NUAK1: variants seen among roughly 807,000 people sequenced by gnomAD.
NUAK1 encodes the protein NUAK family SNF1-like kinase 1.
Under a neutral mutation model 56.9 loss-of-function variants are expected in NUAK1, and 26 were observed. The observed-to-expected ratio is 0.46, with a 90% CI of 0.33 to 0.63. The LOEUF is 0.63. Among genes scored for constraint, NUAK1 ranks in the 30% least tolerant of loss-of-function variants. The pLI, the probability that NUAK1 is intolerant of heterozygous loss-of-function variation, is 0.02. For synonymous variants in NUAK1, 337 were observed against 336.0 expected (o/e 1.00, Z -0.03); for missense variants, 727 against 876.1 (o/e 0.83, Z 2.15).
intron 1 of NUAK1, among the ~76,000 whole-genome samples, chr12:106,127,291 A>G (rs553804107): frequency 6.7e-4 from 102 of 152,254 alleles, no homozygotes; most frequent in African/African-American, 2.4e-3. Flanking sequence ...TGGCCCCCCA[A>G]GTAGCCAGGA....
intron 4 of NUAK1, among the ~76,000 whole-genome samples, chr12:106,081,098 C>T (rs1217988151): frequency 1.3e-5 from 2 of 152,250 alleles, no homozygotes; most frequent in African/African-American, 4.8e-5. Flanking sequence ...AAGTCAAACA[C>T]ATGAGTTCTA....
chr12:106,085,298 T>C (rs1483012943), intron 3 of NUAK1, among the ~76,000 whole-genome samples: 1 of 152,200 alleles, frequency 6.6e-6, no homozygotes, highest in Non-Finnish European at 1.5e-5. Flanking sequence ...CATGATGAAA[T>C]ACAAAATATT....
rs376400997 is a variant in NUAK1, at chr12:106,083,987, AGAAAGAG to A, written c.514-65_514-59del. Reference sequence around the variant, plus strand: ...GGAGCGGCTGGGATGAGAACAAGAGAGAAAGAGGAAGGAGGAGGGTGAGCAAAGGGAA... The same window carrying A: ...GGAGCGGCTGGGATGAGAACAAGAGAGAAGGAGGAGGGTGAGCAAAGGGAA... On this transcript the variant is annotated intron_variant, in intron 3 of 6. Coordinates refer to ENST00000261402, the MANE Select transcript of NUAK1 (RefSeq NM_014840.3). 6.9e-4 allele frequency: 969 copies of A among 1,404,696 alleles called. 7 individuals are homozygous for A. The African/African-American group carries it at 0.012, about 18-fold the overall frequency. The allele number at this position is 1,404,696 out of a possible 1,614,324, so 87.0% of individuals were successfully genotyped here.
chr12:106,108,198 A>G (rs776604915), intron 1 of NUAK1, among the ~76,000 whole-genome samples: 1 of 152,220 alleles, frequency 6.6e-6, no homozygotes, highest in African/African-American at 2.4e-5. Context: ...GAACCACCCC[A>G]GTTAAATAAT....
At chr12:106,074,983 C>T (rs1283554847) in intron 4 of NUAK1, among the ~76,000 whole-genome samples, 1 of 152,148 alleles carries the variant, frequency 6.6e-6, no homozygotes, top group East Asian at 1.9e-4. Flanking sequence ...CAGGAAAATG[C>T]ATTCTCTTCC....
chr12:106,135,006 G>A (rs1373229525), intron 1 of NUAK1, among the ~76,000 whole-genome samples: 1 of 152,012 alleles, frequency 6.6e-6, no homozygotes, highest in Non-Finnish European at 1.5e-5. Context: ...CCTAAAATGA[G>A]ATGAGAAAAA....
At chr12:106,083,308 C>T (rs146585302) in intron 4 of NUAK1, among the ~76,000 whole-genome samples, 1,819 of 152,190 alleles carry the variant, frequency 0.012, 18 homozygotes, top group Non-Finnish European at 0.018. Context: ...AATTTAGGAT[C>T]CTGCTAGCAA....
At chr12:106,075,079 C>G (rs1263432040) in intron 4 of NUAK1, among the ~76,000 whole-genome samples, 1 of 152,106 alleles carries the variant, frequency 6.6e-6, no homozygotes, top group Admixed American at 6.5e-5. Context: ...ACACTCACAC[C>G]AGGAGTTTTC....
At position 106,067,870 on chromosome 12, in the gene NUAK1, C is replaced by T; in HGVS notation, c.918G>A (p.Val306=). Residue 306 remains valine, a synonymous_variant, in exon 7 of 7, where the codon GTG becomes GTA. Coordinates refer to ENST00000261402, the MANE Select transcript of NUAK1 (RefSeq NM_014840.3). The surrounding 1 kb of genome is among the most constrained non-coding windows in gnomAD (Gnocchi z 6.0). ...ACACGCTGCTCTTATAGCCCCAGTT[C>T]ACCCACCAGTGGTTGGCAATGTCCT... The part of the protein sequence containing the change: ...TIEDIANHWW[V]NWGYKSSVCD... 1 of 1,614,222 alleles carries T rather than the reference C, an allele frequency of 6.2e-7. No homozygotes were observed.
At position 106,065,020 on chromosome 12, in the gene NUAK1, C is replaced by T. The variant is rs748245504; in HGVS notation, c.*1782G>A. ...AGGAAAGGGCAATTCCATTCTAATG[C>T]ACTTTCTTAGCACTGTAAGGTGAAT... On this transcript the variant is annotated 3_prime_UTR_variant, in exon 7 of 7. Coordinates refer to ENST00000261402, the MANE Select transcript of NUAK1 (RefSeq NM_014840.3). 1.3e-5 allele frequency: 2 copies of T among 152,198 alleles called. No individual in the cohort carries two copies. The highest frequency in any genetic ancestry group is 2.4e-5 in the African/African-American group (1 of 41,448). 9.4% of individuals were successfully genotyped at this position (152,198 alleles called of 1,614,324 possible).
In NUAK1 at chr12:106,066,498, T is replaced by C. The variant is rs1236723826; in HGVS notation, c.*304A>G. ...AAGGAAATGCTCCTTCCACATATGC[T>C]TCCTCTCCACCCACTGAGTGCCGGT... On this transcript the variant is annotated 3_prime_UTR_variant, in exon 7 of 7. Transcript: ENST00000261402. The C allele has an allele frequency of 2.6e-6, 1 of 391,914 alleles. No homozygotes were observed. Among genetic ancestry groups the C allele is most frequent in the African/African-American group, 2.0e-5 (1 of 49,844 alleles). 24.3% of individuals were successfully genotyped at this position (391,914 alleles called of 1,614,324 possible). A position where few individuals can be genotyped will look rare whatever the true frequency, so the allele number is the denominator to read the frequency against.
chr12:106,089,487 T>A (rs1311390070), intron 2 of NUAK1, among the ~76,000 whole-genome samples: 1 of 152,216 alleles, frequency 6.6e-6, no homozygotes, highest in Non-Finnish European at 1.5e-5. Context: ...ACTGATCCTG[T>A]CTCTACAATA....
At chr12:106,088,458 C>T (rs2032598175) in intron 2 of NUAK1, among the ~76,000 whole-genome samples, 4 of 152,194 alleles carry the variant, frequency 2.6e-5, no homozygotes, top group African/African-American at 4.8e-5. Flanking sequence ...CCTCATAGCA[C>T]GTGCAAACTG....
At chr12:106,078,512 C>T (rs755994822) in intron 4 of NUAK1, among the ~76,000 whole-genome samples, 2 of 152,166 alleles carry the variant, frequency 1.3e-5, no homozygotes, top group Non-Finnish European at 2.9e-5. Context: ...TTCTGTGTAA[C>T]TCTTCGGGAA....
chr12:106,105,300 C>G (rs1331896894), intron 2 of NUAK1, among the ~76,000 whole-genome samples: 1 of 152,176 alleles, frequency 6.6e-6, no homozygotes, highest in African/African-American at 2.4e-5. Flanking sequence ...TAGGGAAACA[C>G]TCTGACTCAG....
intron 1 of NUAK1, among the ~76,000 whole-genome samples, chr12:106,131,896 G>A (rs763503225): frequency 1.8e-4 from 27 of 152,272 alleles, no homozygotes; most frequent in Admixed American, 3.3e-4. Context: ...ATCAGGCCCA[G>A]CCCCTCCTAC....
chr12:106,114,763 G>C (rs1419942216), intron 1 of NUAK1, among the ~76,000 whole-genome samples: 1 of 152,164 alleles, frequency 6.6e-6, no homozygotes, highest in African/African-American at 2.4e-5. Flanking sequence ...GAGCAGCAGG[G>C]CTGAAACTGC....
rs770098536 is a variant in NUAK1, at chr12:106,066,625, G to A, written c.*177C>T. ...CTGACAATTGACAGAACTGGCAGAA[G>A]AGCCCACCTCTCCCTTTTAGGTGTT... On this transcript the variant is annotated 3_prime_UTR_variant, in exon 7 of 7. Transcript: ENST00000261402. 189 of 648,622 alleles carry A rather than the reference G, an allele frequency of 2.9e-4. No individual in the cohort carries two copies. Among genetic ancestry groups the A allele is most frequent in the Non-Finnish European group, 4.4e-4 (164 of 368,968 alleles). 40.2% of individuals were successfully genotyped at this position (648,622 alleles called of 1,614,324 possible). A position where few individuals can be genotyped will look rare whatever the true frequency, so the allele number is the denominator to read the frequency against.
intron 1 of NUAK1, among the ~76,000 whole-genome samples, chr12:106,124,698 G>C (rs1383112495): frequency 6.6e-6 from 1 of 152,150 alleles, no homozygotes; most frequent in Non-Finnish European, 1.5e-5. Context: ...ATCTCACACA[G>C]AAAATGCAAT....
Sources: gnomAD v4.1 joint callset for allele counts (sites outside exome capture counted in the v4.1 genomes callset) on GRCh38, gnomAD v4.1.1 for gene constraint, Gnocchi (gnomAD v3.1) non-coding constraint, MANE v1.5 for transcripts, NCBI Gene and HGNC (gene_info 2026-07-23, HGNC 2026-07-21) for gene names.